CYTH3: variants seen among roughly 807,000 people sequenced by gnomAD.
CYTH3 encodes the protein cytohesin 3.
In CYTH3, 23 loss-of-function variants were observed where a neutral mutation model predicts 55.1. That is an observed-to-expected ratio of 0.42 (90% CI 0.30 to 0.59). CYTH3 has a LOEUF of 0.59. CYTH3 is among the 20% of genes least tolerant of loss of function. CYTH3 has a pLI of 0.20. For missense variants in CYTH3, 413 were observed against 524.8 expected (o/e 0.79, Z 2.08); for synonymous variants, 249 against 194.9 (o/e 1.28, Z -2.31).
chr7:6,227,096 A>G (rs1423254720), intron 1 of CYTH3, among the ~76,000 whole-genome samples: 2 of 151,420 alleles, frequency 1.3e-5, no homozygotes, highest in African/African-American at 2.4e-5. Flanking sequence ...AAAAAAAAAA[A>G]GTGGAAAGGG....
intron 1 of CYTH3, among the ~76,000 whole-genome samples, chr7:6,238,523 C>A (rs968989317): frequency 1.1e-4 from 16 of 152,162 alleles, no homozygotes; most frequent in African/African-American, 3.9e-4. Context: ...ATAACCTATA[C>A]AAACAGGCAG....
At chr7:6,271,696 C>A (rs1216951347) in intron 1 of CYTH3, among the ~76,000 whole-genome samples, 1 of 152,156 alleles carries the variant, frequency 6.6e-6, no homozygotes, top group African/African-American at 2.4e-5. Context: ...GGAAACCGAA[C>A]GTCAGACACA....
At chr7:6,245,102 AG>A (rs1286125626) in intron 1 of CYTH3, among the ~76,000 whole-genome samples, 4 of 149,574 alleles carry the variant, frequency 2.7e-5, no homozygotes, top group African/African-American at 9.9e-5. Flanking sequence ...TACAGGCATG[AG>A]CCACCGCGCC....
intron 1 of CYTH3, among the ~76,000 whole-genome samples, chr7:6,245,830 G>C (rs904162869): frequency 6.6e-6 from 1 of 152,192 alleles, no homozygotes; most frequent in African/African-American, 2.4e-5. Flanking sequence ...CCTGAACTTA[G>C]GAGGTCAAGG....
At chr7:6,213,965 G>A (rs372340266) in intron 1 of CYTH3, among the ~76,000 whole-genome samples, 1 of 152,142 alleles carries the variant, frequency 6.6e-6, no homozygotes, top group East Asian at 1.9e-4. Flanking sequence ...AAGGCTCATG[G>A]AGTGCAGGGA....
chr7:6,212,258 G>A (rs1784335465), intron 1 of CYTH3, among the ~76,000 whole-genome samples: 1 of 152,142 alleles, frequency 6.6e-6, no homozygotes, highest in Non-Finnish European at 1.5e-5. Context: ...TGCCTCCCAA[G>A]TAATGGCTAC....
chr7:6,251,029 A>G (rs914146548), intron 1 of CYTH3, among the ~76,000 whole-genome samples: 2 of 152,238 alleles, frequency 1.3e-5, no homozygotes, highest in African/African-American at 2.4e-5. Context: ...CTGTAATCCC[A>G]GCACTTTGGG....
At chr7:6,248,661 C>G (rs988213722) in intron 1 of CYTH3, among the ~76,000 whole-genome samples, 1 of 152,168 alleles carries the variant, frequency 6.6e-6, no homozygotes, top group Non-Finnish European at 1.5e-5. Context: ...CCCGGCTGCC[C>G]GTGGCCACTC....
chr7:6,250,880 C>T (rs945778296), intron 1 of CYTH3, among the ~76,000 whole-genome samples: 1 of 152,226 alleles, frequency 6.6e-6, no homozygotes, highest in African/African-American at 2.4e-5. Context: ...ACCAAATACA[C>T]TGAAGGTGCA....
At chr7:6,184,210 G>A (rs1036804458) in intron 4 of CYTH3, among the ~76,000 whole-genome samples, 6 of 150,990 alleles carry the variant, frequency 4.0e-5, no homozygotes, top group Non-Finnish European at 7.4e-5. Flanking sequence ...ACAGGCGCCC[G>A]TCACCACACC....
At chr7:6,270,664 C>G (rs542024047) in intron 1 of CYTH3, among the ~76,000 whole-genome samples, 51 of 152,284 alleles carry the variant, frequency 3.3e-4, no homozygotes, top group African/African-American at 1.2e-3. Flanking sequence ...GTTGGCGTTG[C>G]TGTTTCCAAT....
At chr7:6,218,874 G>A (rs564238745) in intron 1 of CYTH3, among the ~76,000 whole-genome samples, 27 of 151,990 alleles carry the variant, frequency 1.8e-4, no homozygotes, top group East Asian at 1.2e-3. Context: ...GCGTGGTGGC[G>A]CACACCTGTA....
intron 4 of CYTH3, among the ~76,000 whole-genome samples, chr7:6,184,112 G>C (rs1415077121): frequency 7.6e-6 from 1 of 132,150 alleles, no homozygotes; most frequent in African/African-American, 2.9e-5. Context: ...CCAGGCTGGA[G>C]TGCAGGGGCG....
chr7:6,187,227 A>T, intron 3 of CYTH3, 111 bp from the exon 4 acceptor site: 10 of 1,178,422 alleles, frequency 8.5e-6, no homozygotes, highest in Non-Finnish European at 1.1e-5. Context: ...GAAGCGAAGC[A>T]CAGGCCCTCA....
At chr7:6,236,101 CG>C (rs1333278108) in intron 1 of CYTH3, among the ~76,000 whole-genome samples, 18 of 152,058 alleles carry the variant, frequency 1.2e-4, no homozygotes, top group Non-Finnish European at 2.5e-4. Flanking sequence ...GGATTACATC[CG>C]AAAGGATGAA....
chr7:6,231,156 G>A (rs1003072506), intron 1 of CYTH3, among the ~76,000 whole-genome samples: 7 of 152,226 alleles, frequency 4.6e-5, no homozygotes, highest in African/African-American at 1.7e-4. Context: ...GATGATGCAT[G>A]AGTGGGGACG....
At chr7:6,173,814 G>C (rs1454982589) in intron 5 of CYTH3, 81 bp from the exon 6 acceptor site, 1 of 844,242 alleles carries the variant, frequency 1.2e-6, no homozygotes, top group East Asian at 2.5e-5. Flanking sequence ...GAATAATGTG[G>C]CTATGAACGT....
intron 1 of CYTH3, among the ~76,000 whole-genome samples, chr7:6,229,866 T>C (rs1048006617): frequency 1.4e-5 from 2 of 148,142 alleles, no homozygotes; most frequent in Non-Finnish European, 3.0e-5. Context: ...CTGGGCTGGG[T>C]GGCTCATGCC....
chr7:6,187,902 T>C (rs1019812728), intron 2 of CYTH3, among the ~76,000 whole-genome samples, 181 bp from the exon 3 acceptor site: 1 of 151,982 alleles, frequency 6.6e-6, no homozygotes, highest in African/African-American at 2.4e-5. Flanking sequence ...CACCACAACT[T>C]AGGAGAACAC....
Sources: allele counts gnomAD v4.1 joint callset (sites outside exome capture counted in the v4.1 genomes callset), GRCh38; gene constraint gnomAD v4.1.1; transcripts MANE v1.5; gene names NCBI Gene and HGNC (gene_info 2026-07-23, HGNC 2026-07-21).